The following CACNA1E variants were observed in gnomAD, a reference collection of about 807,000 sequenced individuals.
CACNA1E encodes voltage-dependent R-type calcium channel subunit alpha-1E.
A neutral mutation model predicts 259.2 loss-of-function variants in CACNA1E; 40 were observed. That is an observed-to-expected ratio of 0.15 (90% CI 0.12 to 0.20). The LOEUF (loss-of-function observed/expected upper bound fraction) is 0.20, where lower values mean the gene tolerates loss of function less well. CACNA1E is among the 10% of genes least tolerant of loss of function. CACNA1E has a pLI of 1.00. For synonymous variants in CACNA1E, 1,104 were observed against 1,138.5 expected (o/e 0.97, Z 0.61); for missense variants, 1,874 against 3,040.1 (o/e 0.62, Z 9.02).
intron 19 of CACNA1E, 142 bp downstream of exon 19, chr1:181,731,373 A>G (rs754745830): frequency 7.5e-5 from 52 of 695,732 alleles, no homozygotes; most frequent in Middle Eastern, 3.1e-4. Context: ...TTCCGTTCAC[A>G]TGATCTGTGG....
At chr1:181,502,404 G>T (rs553947442) in intron 1 of CACNA1E, among the ~76,000 whole-genome samples, 6 of 152,292 alleles carry the variant, frequency 3.9e-5, no homozygotes, top group African/African-American at 1.4e-4. Flanking sequence ...TTCTGGGCTG[G>T]TCTCTTTTGG....
At position 181,672,523 on chromosome 1, in the gene CACNA1E, C is replaced by T. The variant is rs549145220; in HGVS notation, c.1055+21082C>T. 2.0e-5 allele frequency among the ~76,000 whole-genome samples: 3 copies of T among 152,334 alleles called. No homozygotes were observed. The East Asian group carries it at 5.8e-4, about 29-fold the overall frequency. ...GATATCTTCACCTTCTAAATTCCCT[C>T]TGTAAACACCTATGAATAGGAGGGA... On this transcript the variant is annotated intron_variant, in intron 7 of 47. Coordinates refer to ENST00000367573, the MANE Select transcript of CACNA1E (RefSeq NM_001205293.3).
rs559409451 is a variant in CACNA1E at position 181,803,215 on chromosome 1, G to A, written c.*4381G>A. ...ATCCCAGAGCAATGGGCACCGTCCAGGAGGTACAGGAGAGGACTTTATGAT... is the reference window on the plus strand; with the variant it reads ...ATCCCAGAGCAATGGGCACCGTCCAAGAGGTACAGGAGAGGACTTTATGAT... On this transcript the variant is annotated 3_prime_UTR_variant, in exon 48 of 48. Transcript: ENST00000367573. The A allele has an allele frequency of 1.4e-4, 21 of 152,280 alleles. No individual in the cohort carries two copies. Among genetic ancestry groups the A allele is most frequent in the African/African-American group, 4.3e-4 (18 of 41,536 alleles). 9.4% of individuals were successfully genotyped at this position (152,280 alleles called of 1,614,324 possible). A position where few individuals can be genotyped will look rare whatever the true frequency, so the allele number is the denominator to read the frequency against.
At chr1:181,422,584 A>G (rs1658833760) in intron 2 of CACNA1E, among the ~76,000 whole-genome samples, 1 of 152,208 alleles carries the variant, frequency 6.6e-6, no homozygotes. Flanking sequence ...CCACAGAGCC[A>G]TGTCTTATTT....
chr1:181,398,383 G>T (rs1051858705), intron 1 of CACNA1E, among the ~76,000 whole-genome samples: 1 of 152,178 alleles, frequency 6.6e-6, no homozygotes, highest in African/African-American at 2.4e-5. Context: ...AAGCTTTGTA[G>T]CTTAGGAAGT....
Position 181,573,301 on chromosome 1 carries a change from A to G in CACNA1E, c.513-4465A>G, listed in dbSNP as rs941678452. ...CTGTTATAATGCTTCATGGTGTGTT[A>G]TAATTATTTCTTTTATGTGTCTGTC... On this transcript the variant is annotated intron_variant, in intron 3 of 47. Transcript: ENST00000367573. 8.5e-5 allele frequency among the ~76,000 whole-genome samples: 13 copies of G among 152,148 alleles called. 1 individual carries two copies. Among genetic ancestry groups the G allele is most frequent in the Admixed American group, 8.5e-4 (13 of 15,276 alleles).
At chr1:181,723,436 C>G (rs1368517138) in intron 16 of CACNA1E, among the ~76,000 whole-genome samples, 3 of 152,202 alleles carry the variant, frequency 2.0e-5, no homozygotes, top group Non-Finnish European at 4.4e-5. Context: ...TTCCCTTACT[C>G]ATCAACAATT....
chr1:181,726,960 A>T (rs1654966770), intron 18 of CACNA1E, among the ~76,000 whole-genome samples: 1 of 152,160 alleles, frequency 6.6e-6, no homozygotes, highest in Non-Finnish European at 1.5e-5. Context: ...AAGAAACAAA[A>T]ATCGATCCCA....
intron 2 of CACNA1E, among the ~76,000 whole-genome samples, chr1:181,460,753 T>C (rs911186240): frequency 1.3e-5 from 2 of 151,348 alleles, no homozygotes; most frequent in African/African-American, 4.8e-5. Flanking sequence ...GCTAAAAATG[T>C]ACTACTGCTT....
At chr1:181,424,768 G>A (rs577064535) in intron 2 of CACNA1E, among the ~76,000 whole-genome samples, 2 of 152,126 alleles carry the variant, frequency 1.3e-5, no homozygotes, top group African/African-American at 4.8e-5. Flanking sequence ...TCTAAGGCAG[G>A]CCTTGGGGGA....
At chr1:181,513,208 A>G (rs1666293904) in intron 3 of CACNA1E, among the ~76,000 whole-genome samples, 1 of 152,236 alleles carries the variant, frequency 6.6e-6, no homozygotes, top group Non-Finnish European at 1.5e-5. Context: ...CAGAAAAGTC[A>G]AAAGAAGAAA....
At chr1:181,733,094 A>G in intron 20 of CACNA1E, 60 bp downstream of exon 20, 3 of 1,469,810 alleles carry the variant, frequency 2.0e-6, no homozygotes, top group Non-Finnish European at 2.7e-6. Context: ...GGTGTTCCTC[A>G]ATATAAGCCT....
intron 7 of CACNA1E, among the ~76,000 whole-genome samples, chr1:181,704,604 T>C (rs1652610947): frequency 6.6e-6 from 1 of 152,130 alleles, no homozygotes. Flanking sequence ...TGTGTGTACG[T>C]ATGCTGCTTG....
At chr1:181,697,037 T>C (rs1651777040) in intron 7 of CACNA1E, among the ~76,000 whole-genome samples, 1 of 152,204 alleles carries the variant, frequency 6.6e-6, no homozygotes, top group Non-Finnish European at 1.5e-5. Context: ...GAAGAGATAC[T>C]CTGTAGTGGA....
At chr1:181,471,432 T>A (rs1247313515) in intron 2 of CACNA1E, among the ~76,000 whole-genome samples, 1 of 152,254 alleles carries the variant, frequency 6.6e-6, no homozygotes, top group Non-Finnish European at 1.5e-5. Flanking sequence ...TAACCATACC[T>A]ATGTTGTAGG....
At chr1:181,623,910 C>G (rs978089177) in intron 6 of CACNA1E, among the ~76,000 whole-genome samples, 1 of 152,122 alleles carries the variant, frequency 6.6e-6, no homozygotes, top group African/African-American at 2.4e-5. Flanking sequence ...GTGTGTTTTT[C>G]TTGCTATAAA....
At chr1:181,568,908 C>T (rs1464571694) in intron 3 of CACNA1E, among the ~76,000 whole-genome samples, 1 of 152,166 alleles carries the variant, frequency 6.6e-6, no homozygotes, top group African/African-American at 2.4e-5. Flanking sequence ...GCCTGGCCCT[C>T]TTCGGACTCC....
intron 18 of CACNA1E, among the ~76,000 whole-genome samples, chr1:181,728,552 G>A (rs147916635): frequency 7.2e-5 from 11 of 151,844 alleles, no homozygotes; most frequent in African/African-American, 2.4e-4. Flanking sequence ...ACCCTGCACA[G>A]ATGTGTGTGC....
At chr1:181,509,485 C>T (rs1305249810) in intron 1 of CACNA1E, among the ~76,000 whole-genome samples, 1 of 152,152 alleles carries the variant, frequency 6.6e-6, no homozygotes, top group African/African-American at 2.4e-5. Context: ...TCTTCTGGAG[C>T]ACAGGTTGCT....
Sources: gnomAD v4.1 joint callset for allele counts (sites outside exome capture counted in the v4.1 genomes callset) on GRCh38, gnomAD v4.1.1 for gene constraint, MANE v1.5 for transcripts, NCBI Gene and HGNC (gene_info 2026-07-23, HGNC 2026-07-21) for gene names.